The following ATRNL1 variants were observed in gnomAD, a reference collection of about 807,000 sequenced individuals.
ATRNL1 encodes attractin-like protein 1.
A neutral mutation model predicts 182.7 loss-of-function variants in ATRNL1; 95 were observed. That is an observed-to-expected ratio of 0.52 (90% confidence interval 0.44 to 0.62). ATRNL1 has a LOEUF of 0.62. Among genes scored for constraint, ATRNL1 ranks in the 20% least tolerant of loss-of-function variants. The probability of loss-of-function intolerance (pLI) is 0.00; values close to 1 mark genes in which losing one functional copy is unlikely to be tolerated. For missense variants in ATRNL1, 1,471 were observed against 1,679.5 expected, an observed-to-expected ratio of 0.88 and a Z score of 2.17; for synonymous variants, 576 against 568.3, an observed-to-expected ratio of 1.01 and a Z score of -0.19.
At chr10:115,430,167 A>G (rs1999909) in intron 21 of ATRNL1, among the ~76,000 whole-genome samples, 1,577 of 152,332 alleles carry the variant, frequency 0.01, 27 homozygotes, top group African/African-American at 0.036. Flanking sequence ...CTTCTTTTAA[A>G]ACAGGAATAG....
chr10:115,550,471 A>G (rs1592837218), intron 26 of ATRNL1, among the ~76,000 whole-genome samples: 1 of 151,922 alleles, frequency 6.6e-6, no homozygotes, highest in Admixed American at 6.6e-5. Context: ...GGTTCTTCTT[A>G]GTCTATTTTT....
intron 8 of ATRNL1, among the ~76,000 whole-genome samples, chr10:115,202,667 C>G (rs1443975157): frequency 1.4e-5 from 2 of 145,514 alleles, no homozygotes; most frequent in African/African-American, 5.1e-5. Context: ...CATCAATGTT[C>G]ATCAAGGATA....
intron 19 of ATRNL1, among the ~76,000 whole-genome samples, chr10:115,355,663 A>G (rs78750200): frequency 0.012 from 1,900 of 152,246 alleles, 36 homozygotes; most frequent in African/African-American, 0.043. Context: ...CCAATCCTAT[A>G]TAACTAATAG....
At chr10:115,617,751 GA>G (rs1336383027) in intron 26 of ATRNL1, among the ~76,000 whole-genome samples, 1 of 152,188 alleles carries the variant, frequency 6.6e-6, no homozygotes, top group Non-Finnish European at 1.5e-5. Flanking sequence ...GTTAGTGCTG[GA>G]ATGAGTTAAG....
intron 5 of ATRNL1, among the ~76,000 whole-genome samples, chr10:115,144,162 T>G (rs551091919): frequency 6.6e-6 from 1 of 151,958 alleles, no homozygotes; most frequent in South Asian, 2.1e-4. Flanking sequence ...GTATTTTTTT[T>G]TTTGAGACGG....
At chr10:115,728,398 ATTAC>A (rs1392040945) in intron 27 of ATRNL1, among the ~76,000 whole-genome samples, 4 of 150,324 alleles carry the variant, frequency 2.7e-5, no homozygotes, top group Non-Finnish European at 5.9e-5. Context: ...TTGTATGTTT[ATTAC>A]TTTTATTTAC....
intron 24 of ATRNL1, among the ~76,000 whole-genome samples, chr10:115,514,882 C>A (rs868912162): frequency 6.6e-6 from 1 of 151,826 alleles, no homozygotes; most frequent in Non-Finnish European, 1.5e-5. Flanking sequence ...CAGTTCCTTT[C>A]CCCACTTTTG....
chr10:115,342,949 C>T (rs1278517207), intron 19 of ATRNL1, among the ~76,000 whole-genome samples: 5 of 152,050 alleles, frequency 3.3e-5, no homozygotes, highest in African/African-American at 7.2e-5. Context: ...CATTGTCTCC[C>T]GGCCCATAAG....
At chr10:115,800,396 A>G (rs1452520433) in intron 27 of ATRNL1, among the ~76,000 whole-genome samples, 3 of 152,186 alleles carry the variant, frequency 2.0e-5, no homozygotes, top group Non-Finnish European at 4.4e-5. Context: ...ATGATCAAAG[A>G]AAGGAAGGAA....
intron 18 of ATRNL1, among the ~76,000 whole-genome samples, chr10:115,332,371 TG>T (rs1554935319): frequency 6.6e-6 from 1 of 152,098 alleles, no homozygotes; most frequent in African/African-American, 2.4e-5. Flanking sequence ...TATGTGTGAG[TG>T]GTTGTTCAAA....
At chr10:115,759,841 ATTTTTT>A (rs58578796) in intron 27 of ATRNL1, among the ~76,000 whole-genome samples, 1 of 62,684 alleles carries the variant, frequency 1.6e-5, no homozygotes, top group African/African-American at 7.1e-5. Flanking sequence ...ACACCTGGCT[ATTTTTT>A]TTTTTTTTTT....
intron 13 of ATRNL1, among the ~76,000 whole-genome samples, chr10:115,274,987 G>A (rs926361453): frequency 1.3e-5 from 2 of 152,104 alleles, no homozygotes; most frequent in Non-Finnish European, 2.9e-5. Context: ...GAATATGGTG[G>A]GAATTACCAC....
intron 26 of ATRNL1, among the ~76,000 whole-genome samples, chr10:115,719,077 T>C (rs1947340239): frequency 6.6e-6 from 1 of 152,190 alleles, no homozygotes; most frequent in Non-Finnish European, 1.5e-5. Flanking sequence ...TTTCTACAAA[T>C]AGGCTTTTAT....
intron 26 of ATRNL1, among the ~76,000 whole-genome samples, chr10:115,563,358 T>C (rs1555000354): frequency 6.6e-6 from 1 of 152,220 alleles, no homozygotes; most frequent in Admixed American, 6.5e-5. Context: ...GCTTAAAATA[T>C]AGAATTTCCT....
chr10:115,556,279 G>A (rs2804243), intron 26 of ATRNL1, among the ~76,000 whole-genome samples: 147,994 of 152,208 alleles, frequency 0.97, 72,117 homozygotes, highest in East Asian at 1. Context: ...GCTCTTATAT[G>A]ATTATTTAGA....
chr10:115,343,019 C>T (rs918549780), intron 19 of ATRNL1, among the ~76,000 whole-genome samples: 1 of 152,066 alleles, frequency 6.6e-6, no homozygotes, highest in Non-Finnish European at 1.5e-5. Flanking sequence ...TGATTTGTTG[C>T]TTTTCCCTTG....
At chr10:115,656,679 A>G (rs997821588) in intron 26 of ATRNL1, among the ~76,000 whole-genome samples, 4 of 152,222 alleles carry the variant, frequency 2.6e-5, no homozygotes, top group Admixed American at 2.0e-4. Context: ...GAAGTTTACT[A>G]TAGTCATGCA....
Position 115,622,771 on chromosome 10 carries a change from C to T in ATRNL1, c.3795+73235C>T, listed in dbSNP as rs768399574. ...TGAAACCCCGTCTCTACTAAAAATA[C>T]AAAAAATTAGCCAGGCAAGGTGGCG... On this transcript the variant is annotated intron_variant, in intron 26 of 28. Coordinates refer to ENST00000355044, the MANE Select transcript of ATRNL1 (RefSeq NM_207303.4). Among the ~76,000 whole-genome samples the T allele has an allele frequency of 6.6e-5, 10 of 152,050 alleles. No homozygotes were observed. The East Asian group carries it at 9.7e-4, about 15-fold the overall frequency.
chr10:115,494,664 C>G (rs1554977641), intron 24 of ATRNL1, among the ~76,000 whole-genome samples: 2 of 152,148 alleles, frequency 1.3e-5, no homozygotes, highest in African/African-American at 4.8e-5. Flanking sequence ...GTATGTTGAA[C>G]CAACCTTGCA....
Sources: gnomAD v4.1 joint callset for allele counts (sites outside exome capture counted in the v4.1 genomes callset) on GRCh38, gnomAD v4.1.1 for gene constraint, MANE v1.5 for transcripts, NCBI Gene and HGNC (gene_info 2026-07-23, HGNC 2026-07-21) for gene names.